The following ZNF609 variants were observed in gnomAD, a reference collection of about 807,000 sequenced individuals.
ZNF609 encodes the protein zinc finger protein 609.
In ZNF609, 11 loss-of-function variants were observed where a neutral mutation model predicts 109.5. The observed-to-expected ratio is 0.10, with a 90% confidence interval of 0.06 to 0.17. ZNF609 has a LOEUF of 0.17. ZNF609 is among the 10% of genes least tolerant of loss of function. The pLI is 1.00. For synonymous variants in ZNF609, 646 were observed against 662.0 expected (o/e 0.98, Z 0.37); for missense variants, 1,559 against 1,772.4 (o/e 0.88, Z 2.16).
Position 64,545,198 on chromosome 15 carries a change from AT to A in ZNF609, c.747+45045del, listed in dbSNP as rs148905128. Among the ~76,000 whole-genome samples, 486 of 145,128 alleles carry A rather than the reference AT, an allele frequency of 3.3e-3. 2 individuals are homozygous for A. The highest frequency in any genetic ancestry group is 9.0e-3 in the African/African-American group (359 of 39,862). On this transcript the variant is annotated intron_variant, in intron 2 of 9. Coordinates refer to ENST00000326648, the MANE Select transcript of ZNF609 (RefSeq NM_015042.2). Reference sequence around the variant, plus strand: ...ATGAGAAGAGTATGCAGTATACAGGATTTTTTTTTTTTTCTTTGAGACAGGG... The same window carrying A: ...ATGAGAAGAGTATGCAGTATACAGGATTTTTTTTTTTTCTTTGAGACAGGG...
chr15:64,651,450 T>C (rs577836712), intron 3 of ZNF609, among the ~76,000 whole-genome samples: 16 of 152,230 alleles, frequency 1.1e-4, no homozygotes, highest in Non-Finnish European at 2.2e-4. Flanking sequence ...AGAGCTCAGC[T>C]CATTTTCACC....
intron 1 of ZNF609, among the ~76,000 whole-genome samples, chr15:64,477,623 C>CTTTTTTTTTTTTTTTTTTTTTTTT (rs528565686): frequency 7.0e-6 from 1 of 142,678 alleles, no homozygotes; most frequent in Non-Finnish European, 1.5e-5. Context: ...GTCTTATTTC[C>CTTTTTTTTTTTTTTTTTTTTTTTT]TTTTTTTTTT....
At chr15:64,573,337 C>G (rs540625) in intron 2 of ZNF609, among the ~76,000 whole-genome samples, 1 of 138,008 alleles carries the variant, frequency 7.2e-6, no homozygotes, top group Admixed American at 8.2e-5. Context: ...GAGTTAGTGG[C>G]CCAACTTTCT....
At chr15:64,657,443 G>A (rs746179971) in intron 3 of ZNF609, among the ~76,000 whole-genome samples, 8 of 150,676 alleles carry the variant, frequency 5.3e-5, no homozygotes, top group Admixed American at 2.0e-4. Context: ...GTGAAACCCC[G>A]TCTCTACTGA....
intron 3 of ZNF609, among the ~76,000 whole-genome samples, chr15:64,659,835 C>CTTTTTTTT (rs755818323): frequency 7.3e-6 from 1 of 137,234 alleles, no homozygotes; most frequent in Non-Finnish European, 1.6e-5. Context: ...TTCTTTCTTT[C>CTTTTTTTT]TTTTTTTTTT....
intron 2 of ZNF609, among the ~76,000 whole-genome samples, chr15:64,523,593 C>T (rs1893924687): frequency 6.6e-6 from 1 of 152,042 alleles, no homozygotes; most frequent in African/African-American, 2.4e-5. Flanking sequence ...TCGTGAAACC[C>T]TGTCTCTAAA....
intron 3 of ZNF609, among the ~76,000 whole-genome samples, chr15:64,655,193 G>C (rs935226781): frequency 1.3e-5 from 2 of 151,512 alleles, no homozygotes; most frequent in African/African-American, 2.4e-5. Context: ...AAACAGAATA[G>C]TCCAGGCATG....
At chr15:64,502,210 C>T (rs1312935867) in intron 2 of ZNF609, 1 of 152,210 alleles carries the variant, frequency 6.6e-6, no homozygotes, top group Non-Finnish European at 1.5e-5. Flanking sequence ...CAAGAACCTG[C>T]TTTCTCAATT....
rs532023550 is a variant in ZNF609 at position 64,616,390 on chromosome 15, T to C, written c.748-6437T>C. On this transcript the variant is annotated intron_variant, in intron 2 of 9. Coordinates refer to ENST00000326648, the MANE Select transcript of ZNF609 (RefSeq NM_015042.2). ...GTGAGAGGCAGTTGAAGTAGGTATA[T>C]AGTTATAATTACTCTTTGTGGGGAG... Among the ~76,000 whole-genome samples the C allele has an allele frequency of 9.2e-5, 14 of 152,242 alleles. No individual in the cohort carries two copies. The South Asian group carries it at 2.9e-3, about 32-fold the overall frequency.
intron 2 of ZNF609, among the ~76,000 whole-genome samples, chr15:64,620,917 TGTA>T (rs1409317794): frequency 3.9e-5 from 6 of 152,204 alleles, no homozygotes; most frequent in Admixed American, 1.3e-4. Flanking sequence ...GTGATAGTCA[TGTA>T]GTAAATTATT....
chr15:64,660,599 C>T (rs1896561408), intron 3 of ZNF609, among the ~76,000 whole-genome samples: 1 of 152,164 alleles, frequency 6.6e-6, no homozygotes. Context: ...TGCCAATCCC[C>T]AGTCTGTGTG....
At chr15:64,497,793 T>C (rs583878) in intron 1 of ZNF609, among the ~76,000 whole-genome samples, 144,942 of 151,478 alleles carry the variant, frequency 0.96, 69,578 homozygotes, top group East Asian at 1. Flanking sequence ...CCCAACCTCT[T>C]GGGAGGCTGA....
At chr15:64,589,494 T>C (rs1895259309) in intron 2 of ZNF609, among the ~76,000 whole-genome samples, 2 of 152,194 alleles carry the variant, frequency 1.3e-5, no homozygotes, top group African/African-American at 4.8e-5. Flanking sequence ...TAGCATAATT[T>C]TTATTTTACT....
rs538353614 is a variant in ZNF609 at position 64,662,169 on chromosome 15, G to A, written c.974-8177G>A. Among the ~76,000 whole-genome samples, 7 of 152,084 alleles carry A rather than the reference G, an allele frequency of 4.6e-5. No homozygotes were observed. In the South Asian group the frequency reaches 1.4e-3, roughly 31 times the overall value. ...GCCTCGTGGACTTCTCCATAGGGCT[G>A]CTTAAGTGTTCTCACAAAATGGCTG... is the stretch of plus-strand genomic sequence containing the variant. On this transcript the variant is annotated intron_variant, in intron 3 of 9. Coordinates refer to ENST00000326648, the MANE Select transcript of ZNF609 (RefSeq NM_015042.2).
intron 2 of ZNF609, among the ~76,000 whole-genome samples, chr15:64,589,803 G>A (rs760292955): frequency 1.3e-5 from 2 of 152,014 alleles, no homozygotes; most frequent in Middle Eastern, 3.4e-3. Context: ...AAATTAAATG[G>A]CTAAAAATTT....
chr15:64,512,194 A>T (rs1893743731), intron 2 of ZNF609, among the ~76,000 whole-genome samples: 2 of 152,188 alleles, frequency 1.3e-5, no homozygotes, highest in Admixed American at 6.5e-5. Flanking sequence ...AATTAGGAGA[A>T]TTAATTATTG....
chr15:64,607,362 T>G (rs971732090), intron 2 of ZNF609, among the ~76,000 whole-genome samples: 24 of 152,224 alleles, frequency 1.6e-4, no homozygotes, highest in Non-Finnish European at 1.3e-4. Context: ...AAGGCTGATT[T>G]TCTTTGTATA....
chr15:64,536,725 C>A (rs1051348253), intron 2 of ZNF609, among the ~76,000 whole-genome samples: 5 of 45,868 alleles, frequency 1.1e-4, no homozygotes, highest in Non-Finnish European at 1.9e-4. Flanking sequence ...AAAATTCCAC[C>A]CCCCCCCCCA....
intron 2 of ZNF609, among the ~76,000 whole-genome samples, chr15:64,545,260 G>A (rs145916699): frequency 1.3e-3 from 200 of 151,852 alleles, no homozygotes; most frequent in African/African-American, 4.7e-3. Context: ...GTGCAGTGGC[G>A]TGACCTTGGC....
Sources: gnomAD v4.1 joint callset for allele counts (sites outside exome capture counted in the v4.1 genomes callset) on GRCh38, gnomAD v4.1.1 for gene constraint, MANE v1.5 for transcripts, NCBI Gene and HGNC (gene_info 2026-07-23, HGNC 2026-07-21) for gene names.